CHMP7: variants seen among roughly 807,000 people sequenced by gnomAD.
CHMP7 encodes charged multivesicular body protein 7, also known as CHMP family, member 7.
Under a neutral mutation model 53.7 loss-of-function variants are expected in CHMP7, and 15 were observed. That is an observed-to-expected ratio of 0.28 (90% CI 0.19 to 0.43). The LOEUF is 0.43. Ranked by LOEUF, CHMP7 falls within the 20% of genes least tolerant of loss-of-function variation. The pLI, the probability that CHMP7 is intolerant of heterozygous loss-of-function variation, is 1.00. For missense variants in CHMP7, 527 were observed against 569.4 expected (o/e 0.93, Z 0.76); for synonymous variants, 261 against 228.0 (o/e 1.14, Z -1.30).
chr8:23,249,172 T>G (rs376485003), intron 2 of CHMP7, 38 bp from the exon 3 acceptor site: 41 of 1,512,784 alleles, frequency 2.7e-5, no homozygotes, highest in Non-Finnish European at 2.7e-6. Context: ...GACATTGCAT[T>G]AAGTGCTACT....
At chr8:23,251,061 G>A (rs1227093316) in intron 3 of CHMP7, among the ~76,000 whole-genome samples, 1 of 152,202 alleles carries the variant, frequency 6.6e-6, no homozygotes, top group African/African-American at 2.4e-5. Flanking sequence ...AGGATGGTTT[G>A]GGTGGTTCTG....
chr8:23,260,246 C>G lies in CHMP7; in HGVS notation c.1223C>G (p.Thr408Ser), dbSNP rs1355596475. The part of the protein sequence containing the change: ...LPDNPRNRHF[T>S]NSVPNPRISD... The stretch of plus-strand genomic sequence containing the variant: ...GACAACCCCCGCAATAGGCATTTTA[C>G]CAACAGCGTGCCTAACCCTAGGATC... The change falls in exon 10 of 11, where the codon ACC becomes AGC. Residue 408 changes from threonine to serine, a missense_variant. Physicochemically the swap from Thr to Ser is moderately conservative, Grantham distance 58. Coordinates refer to ENST00000397677, the MANE Select transcript of CHMP7 (RefSeq NM_152272.5). 13 of 1,614,042 alleles carry G rather than the reference C, an allele frequency of 8.1e-6. No individual in the cohort carries two copies. Among genetic ancestry groups the G allele is most frequent in the Non-Finnish European group, 9.3e-6 (11 of 1,180,038 alleles).
intron 5 of CHMP7, among the ~76,000 whole-genome samples, chr8:23,257,416 T>C (rs1802179644): frequency 6.6e-6 from 1 of 152,198 alleles, no homozygotes; most frequent in African/African-American, 2.4e-5. Flanking sequence ...GTCTTAATGC[T>C]TCCCCCACAG....
intron 3 of CHMP7, among the ~76,000 whole-genome samples, chr8:23,251,041 C>T (rs1282462944): frequency 2.6e-5 from 4 of 152,212 alleles, no homozygotes; most frequent in Non-Finnish European, 5.9e-5. Context: ...AGGGTCCCCG[C>T]AAAGACTGCA....
intron 3 of CHMP7, among the ~76,000 whole-genome samples, chr8:23,252,759 C>G (rs546386930): frequency 6.6e-6 from 1 of 152,318 alleles, no homozygotes; most frequent in Non-Finnish European, 1.5e-5. Flanking sequence ...TTTCCGTTTA[C>G]ATTTCCTTCA....
At chr8:23,258,491 G>A (rs139013987) in intron 7 of CHMP7, 42 bp downstream of exon 7, 199 of 1,609,610 alleles carry the variant, frequency 1.2e-4, no homozygotes, top group African/African-American at 7.9e-4. Flanking sequence ...TGGTCTCTCC[G>A]TGTGTGTTGG....
intron 5 of CHMP7, among the ~76,000 whole-genome samples, chr8:23,257,140 C>T (rs889542830): frequency 6.7e-6 from 1 of 148,734 alleles, no homozygotes; most frequent in Non-Finnish European, 1.5e-5. Context: ...GCACTGTCCC[C>T]TAGGCTGGAG....
chr8:23,248,843 A>G (rs1435588901), intron 2 of CHMP7, among the ~76,000 whole-genome samples: 1 of 152,106 alleles, frequency 6.6e-6, no homozygotes, highest in Non-Finnish European at 1.5e-5. Flanking sequence ...TGTTTTGAGC[A>G]CCAATTGTAA....
At chr8:23,259,988 G>T in intron 9 of CHMP7, 156 bp from the exon 10 acceptor site, 1 of 614,570 alleles carries the variant, frequency 1.6e-6, no homozygotes, top group Non-Finnish European at 2.9e-6. Context: ...ATCTCTGCTT[G>T]AAGCTACCCT....
intron 5 of CHMP7, 97 bp downstream of exon 5, chr8:23,256,690 G>GT (rs67393714): frequency 0.14 from 84,057 of 581,340 alleles, 1,741 homozygotes; most frequent in South Asian, 0.25. Flanking sequence ...AAATAGGTGG[G>GT]TTTTTTTTTT....
chr8:23,246,107 C>G (rs1283001721), intron 1 of CHMP7, 149 bp from the exon 2 acceptor site: 1 of 152,084 alleles, frequency 6.6e-6, no homozygotes. Flanking sequence ...TCATTGATTT[C>G]TGCTCTTTTT....
chr8:23,258,690 A>C, intron 7 of CHMP7, 42 bp from the exon 8 acceptor site: 1 of 1,464,764 alleles, frequency 6.8e-7, no homozygotes, highest in Non-Finnish European at 9.5e-7. Flanking sequence ...GTATTTTGCC[A>C]AATGTCTGTC....
At chr8:23,260,367 C>A (rs780164654) in intron 10 of CHMP7, 44 bp downstream of exon 10, 1 of 1,602,312 alleles carries the variant, frequency 6.2e-7, no homozygotes. Context: ...ATATGGCCTT[C>A]TGGCTGACAG....
At chr8:23,250,526 A>G (rs924750460) in intron 3 of CHMP7, among the ~76,000 whole-genome samples, 1 of 151,868 alleles carries the variant, frequency 6.6e-6, no homozygotes, top group Non-Finnish European at 1.5e-5. Context: ...CCTTTGTGTC[A>G]CCACTTCCTA....
intron 5 of CHMP7, among the ~76,000 whole-genome samples, chr8:23,257,091 C>CTTT (rs1195836725): frequency 9.9e-5 from 13 of 130,914 alleles, no homozygotes; most frequent in Admixed American, 2.3e-4. Context: ...CGTGCCCGGC[C>CTTT]TTTTTTTTTT....
chr8:23,256,440 A>AATTTCTC lies in CHMP7; in HGVS notation c.658-19_658-13dup, dbSNP rs766089819. On this transcript the variant is annotated intron_variant, in intron 4 of 10. Transcript: ENST00000397677. ...CAGCCTTTGTGGTAGCAGCAGTAGT[A>AATTTCTC]ATTTCTCCCTGTCCCTCAGATTGTG... 1.1e-5 allele frequency: 17 copies of AATTTCTC among 1,582,176 alleles called. No individual in the cohort carries two copies. In the South Asian group the frequency reaches 1.9e-4, roughly 18 times the overall value.
intron 3 of CHMP7, among the ~76,000 whole-genome samples, chr8:23,249,926 A>G (rs113428383): frequency 5.3e-5 from 8 of 152,204 alleles, no homozygotes; most frequent in African/African-American, 1.9e-4. Context: ...CCTTGATCGC[A>G]TGGCTCATTG....
In CHMP7 at chr8:23,257,971, C is replaced by G. The variant is rs1489832808; in HGVS notation, c.792-62C>G. 2.3e-5 allele frequency: 28 copies of G among 1,201,312 alleles called. No homozygotes were observed. The East Asian group carries it at 5.8e-4, about 25-fold the overall frequency. 74.4% of individuals were successfully genotyped at this position (1,201,312 alleles called of 1,614,324 possible). ...TAACTGAGTGCTGCTCTCAGGGACC[C>G]TTTGGGACCCTGCCACTCCCATCCT... is the stretch of plus-strand genomic sequence containing the variant. On this transcript the variant is annotated intron_variant, in intron 5 of 10. Transcript: ENST00000397677.
chr8:23,253,261 T>C (rs1021090969), intron 3 of CHMP7, among the ~76,000 whole-genome samples: 2 of 152,250 alleles, frequency 1.3e-5, no homozygotes, highest in Non-Finnish European at 2.9e-5. Context: ...GTATACATAA[T>C]CTTGGATATA....
Sources: allele counts gnomAD v4.1 joint callset (sites outside exome capture counted in the v4.1 genomes callset), GRCh38; gene constraint gnomAD v4.1.1; transcripts MANE v1.5; gene names NCBI Gene and HGNC (gene_info 2026-07-23, HGNC 2026-07-21).